Variants in OR51E2 observed in about 807,000 individuals in gnomAD.
OR51E2 encodes olfactory receptor family 51 subfamily E member 2, also known as olfactory receptor 51E2.
OR51E2 carries 14 observed loss-of-function variants against 13.7 expected under a neutral mutation model. The observed-to-expected ratio is 1.02, with a 90% confidence interval of 0.68 to 1.60. The LOEUF (loss-of-function observed/expected upper bound fraction) is 1.60, where lower values mean the gene tolerates loss of function less well. Among genes scored for constraint, OR51E2 ranks in the 40% most tolerant of loss-of-function variants. The probability of loss-of-function intolerance (pLI) is 0.00; values close to 1 mark genes in which losing one functional copy is unlikely to be tolerated. For synonymous variants in OR51E2, 180 were observed against 157.6 expected (o/e 1.14, Z -1.07); for missense variants, 483 against 413.8 (o/e 1.17, Z -1.45).
intron 1 of OR51E2, 62 bp from the exon 2 acceptor site, chr11:4,682,823 C>G (rs1417139990): frequency 6.7e-6 from 8 of 1,187,328 alleles, no homozygotes; most frequent in Non-Finnish European, 9.4e-6. Context: ...CATCCCACCC[C>G]TTTTGTCTTC....
At chr11:4,686,269 G>A (rs960548739) in intron 1 of OR51E2, among the ~76,000 whole-genome samples, 5 of 152,176 alleles carry the variant, frequency 3.3e-5, no homozygotes, top group Non-Finnish European at 5.9e-5. Flanking sequence ...TAGTCATTGG[G>A]TGGGTCCAAA....
At chr11:4,689,462 T>TAA in intron 1 of OR51E2, among the ~76,000 whole-genome samples, 1 of 152,184 alleles carries the variant, frequency 6.6e-6, no homozygotes, top group Non-Finnish European at 1.5e-5. Flanking sequence ...AAGGTGCAGT[T>TAA]GGCAGAGATC....
At chr11:4,685,001 G>A (rs1169534245) in intron 1 of OR51E2, 1 of 152,226 alleles carries the variant, frequency 6.6e-6, no homozygotes, top group African/African-American at 2.4e-5. Context: ...GGGTCTTCAA[G>A]GTCCCTTAGG....
chr11:4,684,756 T>C (rs1847496219), intron 1 of OR51E2, among the ~76,000 whole-genome samples: 1 of 152,268 alleles, frequency 6.6e-6, no homozygotes, highest in East Asian at 1.9e-4. Context: ...TTTCCCAAAA[T>C]ACCTGTCCTG....
rs1847436592 is a variant in OR51E2 at position 4,680,392 on chromosome 11, T to G, written c.*1357A>C. The stretch of plus-strand genomic sequence containing the variant: ...GTAAAACAGGATTATTCTGCATGTG[T>G]TGCCCACAACTAGGGCAAGGTTATC... On this transcript the variant is annotated 3_prime_UTR_variant, in exon 2 of 2. Coordinates refer to ENST00000396950, the MANE Select transcript of OR51E2 (RefSeq NM_030774.4). 1 of 152,588 alleles carries G rather than the reference T, an allele frequency of 6.6e-6. No individual in the cohort carries two copies. Among genetic ancestry groups the G allele is most frequent in the South Asian group, 2.1e-4 (1 of 4,830 alleles). 9.5% of individuals were successfully genotyped at this position (152,588 alleles called of 1,614,324 possible).
chr11:4,696,195 G>A (rs902872281), intron 1 of OR51E2, among the ~76,000 whole-genome samples: 1 of 152,056 alleles, frequency 6.6e-6, no homozygotes, highest in African/African-American at 2.4e-5. Flanking sequence ...TACCCCTGAG[G>A]GACATCTCTA....
At chr11:4,696,823 G>A (rs555627200) in intron 1 of OR51E2, among the ~76,000 whole-genome samples, 47 of 152,220 alleles carry the variant, frequency 3.1e-4, no homozygotes, top group African/African-American at 1.1e-3. Flanking sequence ...TTAATCTGCT[G>A]AACTAGACCT....
Position 4,692,681 on chromosome 11 carries a change from A to G in OR51E2, c.-51+4972T>C, listed in dbSNP as rs144667481. On this transcript the variant is annotated intron_variant, in intron 1 of 1. Transcript: ENST00000396950. ...GTTGTGGCTGCAGAGGGCTCAATCA[A>G]TGAGAGAGAGCCAGTTGCAGGGTAA... Among the ~76,000 whole-genome samples, 765 of 152,266 alleles carry G rather than the reference A, an allele frequency of 5.0e-3. 8 individuals carry two copies. The highest frequency in any genetic ancestry group is 0.017 in the African/African-American group (709 of 41,546).
chr11:4,692,166 A>G (rs1167230522), intron 1 of OR51E2: 1 of 453,656 alleles, frequency 2.2e-6, no homozygotes, highest in South Asian at 1.6e-5. Flanking sequence ...ATTGGTCATA[A>G]GTGTGGAAAG....
chr11:4,685,773 C>T (rs1442929305), intron 1 of OR51E2: 1 of 152,238 alleles, frequency 6.6e-6, no homozygotes, highest in South Asian at 2.1e-4. Flanking sequence ...ATAAAAAAAA[C>T]TCACCCCAAC....
rs1422852336 is a variant in OR51E2, at chr11:4,681,720, AAAGAT to A, written c.*24_*28del. On this transcript the variant is annotated 3_prime_UTR_variant, in exon 2 of 2. Coordinates refer to ENST00000396950, the MANE Select transcript of OR51E2 (RefSeq NM_030774.4). ...AAATAATTATGTTTATCAAGCCAAT[AAAGAT>A]AAGGAGAAGTGTAGTGTTAAGGGTC... 1.9e-6 allele frequency: 3 copies of A among 1,606,308 alleles called. No homozygotes were observed. The highest frequency in any genetic ancestry group is 2.2e-5 in the South Asian group (2 of 90,830).
chr11:4,684,194 T>G (rs1847489949), intron 1 of OR51E2, among the ~76,000 whole-genome samples: 1 of 152,342 alleles, frequency 6.6e-6, no homozygotes, highest in South Asian at 2.1e-4. Flanking sequence ...TCTGCCTGTA[T>G]TTTCTCTTCT....
In OR51E2 at chr11:4,694,540, GTA is replaced by G. The variant is rs750538977; in HGVS notation, c.-51+3111_-51+3112del. ...TATATATACACACACACATATATAC[GTA>G]TATATATATACACACACACATACAT... is the stretch of plus-strand genomic sequence containing the variant. On this transcript the variant is annotated intron_variant, in intron 1 of 1. Transcript: ENST00000396950. 5.0e-3 allele frequency among the ~76,000 whole-genome samples: 630 copies of G among 125,524 alleles called. 17 individuals carry two copies. The highest frequency in any genetic ancestry group is 0.012 in the East Asian group (52 of 4,336). The allele number at this position is 125,524 out of a possible 152,430, so 82.3% of individuals were successfully genotyped here.
chr11:4,691,708 A>G (rs1847582739), intron 1 of OR51E2: 1 of 361,372 alleles, frequency 2.8e-6, no homozygotes, highest in Non-Finnish European at 5.5e-6. Context: ...GACGTGATGA[A>G]TTAAAAGTAC....
At chr11:4,693,570 A>G (rs1847614292) in intron 1 of OR51E2, among the ~76,000 whole-genome samples, 1 of 152,086 alleles carries the variant, frequency 6.6e-6, no homozygotes, top group Non-Finnish European at 1.5e-5. Flanking sequence ...AAATACAAAA[A>G]ATTAGCCGGG....
At chr11:4,683,480 A>G (rs1847481596) in intron 1 of OR51E2, among the ~76,000 whole-genome samples, 1 of 152,122 alleles carries the variant, frequency 6.6e-6, no homozygotes, top group South Asian at 2.1e-4. Flanking sequence ...ATTAAAGGAA[A>G]CTCATCTGTG....
At chr11:4,689,649 C>T (rs995553201) in intron 1 of OR51E2, among the ~76,000 whole-genome samples, 4 of 152,110 alleles carry the variant, frequency 2.6e-5, no homozygotes, top group African/African-American at 7.2e-5. Flanking sequence ...AATTATCTTT[C>T]TGAATTGAGC....
At chr11:4,690,446 C>T (rs1020480233) in intron 1 of OR51E2, 1 of 162,742 alleles carries the variant, frequency 6.1e-6, no homozygotes, top group Non-Finnish European at 1.4e-5. Context: ...GAGATAATAA[C>T]AGAAAGGGTG....
rs1043777517 is a variant in OR51E2 at position 4,681,581 on chromosome 11, T to C, written c.*168A>G. The C allele has an allele frequency of 7.3e-5, 47 of 647,568 alleles. No homozygotes were observed. Among genetic ancestry groups the C allele is most frequent in the Non-Finnish European group, 2.4e-5 (9 of 378,674 alleles). The allele number at this position is 647,568 out of a possible 1,614,324, so 40.1% of individuals were successfully genotyped here. On this transcript the variant is annotated 3_prime_UTR_variant, in exon 2 of 2. Transcript: ENST00000396950. ...TAAATCATGTAATACTTCATTAGTA[T>C]GTATTATTCCACATAATAGTCCTTT...
Sources: allele counts gnomAD v4.1 joint callset (sites outside exome capture counted in the v4.1 genomes callset), GRCh38; gene constraint gnomAD v4.1.1; transcripts MANE v1.5; gene names NCBI Gene and HGNC (gene_info 2026-07-23, HGNC 2026-07-21).